The following MYOF variants were observed in gnomAD, a reference collection of about 807,000 sequenced individuals.
MYOF encodes the protein myoferlin, also known as fer-1-like 3, myoferlin.
Under a neutral mutation model 284.2 loss-of-function variants are expected in MYOF, and 244 were observed. The ratio of observed to expected loss-of-function variants is 0.86; its 90% CI spans 0.77 to 0.95. The LOEUF (loss-of-function observed/expected upper bound fraction) is 0.95, where lower values mean the gene tolerates loss of function less well. MYOF is among the 40% of genes least tolerant of loss of function. MYOF has a pLI of 0.00. For missense variants in MYOF, 2,496 were observed against 2,560.6 expected (o/e 0.97, Z 0.54); for synonymous variants, 904 against 919.7 (o/e 0.98, Z 0.31).
chr10:93,348,129 C>G (rs922555214), intron 36 of MYOF, among the ~76,000 whole-genome samples: 6 of 152,148 alleles, frequency 3.9e-5, no homozygotes, highest in African/African-American at 1.4e-4. Flanking sequence ...AATCACTGAC[C>G]CATGCTCTTT....
intron 11 of MYOF, 93 bp downstream of exon 11, chr10:93,402,139 T>C: frequency 2.2e-6 from 2 of 921,620 alleles, no homozygotes; most frequent in Non-Finnish European, 3.6e-6. Flanking sequence ...CGGGAAGCTG[T>C]GCTCCATTTC....
chr10:93,359,789 G>T (rs557898994), intron 29 of MYOF, 44 bp downstream of exon 29: 3 of 1,610,126 alleles, frequency 1.9e-6, no homozygotes, highest in Admixed American at 1.7e-5. Context: ...GTAGTCAGGA[G>T]GGCAGAGCTC....
At chr10:93,401,028 ATT>A (rs199873918) in intron 12 of MYOF, among the ~76,000 whole-genome samples, 8 of 148,716 alleles carry the variant, frequency 5.4e-5, no homozygotes, top group African/African-American at 1.7e-4. Flanking sequence ...AATTTCTGCT[ATT>A]TTTTTTTTAT....
intron 2 of MYOF, among the ~76,000 whole-genome samples, chr10:93,455,829 AC>A (rs1228983395): frequency 6.6e-6 from 1 of 152,196 alleles, no homozygotes; most frequent in Middle Eastern, 3.2e-3. Flanking sequence ...GGGAGGTTTG[AC>A]CCAGCTTTTG....
At chr10:93,354,662 ATT>A (rs1844701118) in intron 31 of MYOF, among the ~76,000 whole-genome samples, 13 of 66,656 alleles carry the variant, frequency 2.0e-4, no homozygotes, top group African/African-American at 6.0e-4. Context: ...TCACTCACAC[ATT>A]CACTCTCTCT....
chr10:93,312,382 G>C (rs142007677), intron 51 of MYOF, among the ~76,000 whole-genome samples: 116 of 151,746 alleles, frequency 7.6e-4, no homozygotes, highest in African/African-American at 2.7e-3. Context: ...GTCTCACTCT[G>C]TCACCCAGGC....
intron 19 of MYOF, among the ~76,000 whole-genome samples, chr10:93,383,833 A>G (rs1846233673): frequency 6.6e-6 from 1 of 152,162 alleles, no homozygotes; most frequent in South Asian, 2.1e-4. Flanking sequence ...ATGGAGAAGG[A>G]TCATGGGGAG....
intron 7 of MYOF, among the ~76,000 whole-genome samples, chr10:93,405,801 T>G (rs1301599112): frequency 9.8e-6 from 1 of 102,004 alleles, no homozygotes. Context: ...AGGATTTTTT[T>G]TTTTTTTTTT....
At chr10:93,431,328 C>T (rs1013391055) in intron 4 of MYOF, 80 bp downstream of exon 4, 15 of 1,247,036 alleles carry the variant, frequency 1.2e-5, no homozygotes, top group African/African-American at 4.5e-5. Flanking sequence ...CCACCACGCC[C>T]GGCCTTAGAC....
intron 41 of MYOF, among the ~76,000 whole-genome samples, chr10:93,334,752 C>T (rs939467068): frequency 6.6e-6 from 1 of 152,138 alleles, no homozygotes; most frequent in South Asian, 2.1e-4. Context: ...GAATAAGCAC[C>T]TACTATGTGC....
intron 5 of MYOF, among the ~76,000 whole-genome samples, chr10:93,420,073 C>T (rs1248077259): frequency 6.6e-6 from 1 of 152,086 alleles, no homozygotes; most frequent in African/African-American, 2.4e-5. Flanking sequence ...GTAGAGGTTT[C>T]AGTGAGCTGA....
intron 5 of MYOF, among the ~76,000 whole-genome samples, chr10:93,414,106 G>T: frequency 6.6e-6 from 1 of 152,164 alleles, no homozygotes. Flanking sequence ...AGCCTCGAGG[G>T]AAAAATCCTT....
chr10:93,444,420 A>G (rs1387890128), intron 3 of MYOF, among the ~76,000 whole-genome samples: 5 of 152,246 alleles, frequency 3.3e-5, no homozygotes, highest in Non-Finnish European at 7.3e-5. Flanking sequence ...ATGCTGAGCT[A>G]CATATAGCAG....
intron 48 of MYOF, 111 bp from the exon 49 acceptor site, chr10:93,320,124 T>A: frequency 1.5e-6 from 2 of 1,294,944 alleles, no homozygotes; most frequent in Non-Finnish European, 2.2e-6. Flanking sequence ...TGCACTTTTC[T>A]TGGGCAGATT....
At chr10:93,361,629 T>TC in intron 27 of MYOF, 72 bp from the exon 28 acceptor site, 1 of 1,391,658 alleles carries the variant, frequency 7.2e-7, no homozygotes, top group Non-Finnish European at 1.0e-6. Context: ...GGGTCCAATA[T>TC]AGTTCCTCAT....
chr10:93,321,718 CATTTAATTTTAA>C (rs1842849968), intron 48 of MYOF, among the ~76,000 whole-genome samples: 1 of 151,998 alleles, frequency 6.6e-6, no homozygotes, highest in South Asian at 2.1e-4. Flanking sequence ...TGAATTTTCA[CATTTAATTTTAA>C]ACATAAATCT....
chr10:93,353,798 T>G lies in MYOF; in HGVS notation c.3481+13A>C. ...TGTAATCATGTGTAGCATGTAGATT[T>G]TTTTTCCTTTACCTGAAAAGCTATC... On this transcript the variant is annotated intron_variant, in intron 32 of 53. Coordinates refer to ENST00000359263, the MANE Select transcript of MYOF (RefSeq NM_013451.4). 6.3e-7 allele frequency: 1 copy of G among 1,599,872 alleles called. No homozygotes were observed. The highest frequency in any genetic ancestry group is 8.5e-7 in the Non-Finnish European group (1 of 1,171,704).
At chr10:93,416,598 CTTTTT>C (rs374329657) in intron 5 of MYOF, among the ~76,000 whole-genome samples, 2 of 119,790 alleles carry the variant, frequency 1.7e-5, no homozygotes, top group Non-Finnish European at 3.7e-5. Context: ...TTTGATCAGG[CTTTTT>C]TTTTTTTTTT....
rs150031738 is a variant in MYOF, at chr10:93,349,153, AT to A, written c.4083+654del. Reference sequence around the variant, plus strand: ...TTATATAATAGAGTAAAAAAGAAAGATTTTTTTTTTAAAGTTAAGAAATTAA... The same window carrying A: ...TTATATAATAGAGTAAAAAAGAAAGATTTTTTTTTAAAGTTAAGAAATTAA... On this transcript the variant is annotated intron_variant, in intron 36 of 53. Transcript: ENST00000359263. Among the ~76,000 whole-genome samples the A allele has an allele frequency of 3.0e-4, 46 of 151,108 alleles. No individual in the cohort carries two copies. The South Asian group carries it at 3.4e-3, about 11-fold the overall frequency.
Sources: gnomAD v4.1 joint callset for allele counts (sites outside exome capture counted in the v4.1 genomes callset) on GRCh38, gnomAD v4.1.1 for gene constraint, MANE v1.5 for transcripts, NCBI Gene and HGNC (gene_info 2026-07-23, HGNC 2026-07-21) for gene names.